DLGAP1: variants seen among roughly 807,000 people sequenced by gnomAD.
The protein encoded by DLGAP1 is disks large-associated protein 1.
A neutral mutation model predicts 90.8 loss-of-function variants in DLGAP1; 11 were observed. That is an observed-to-expected ratio of 0.12 (90% CI 0.08 to 0.20). The LOEUF (loss-of-function observed/expected upper bound fraction) is 0.20, where lower values mean the gene tolerates loss of function less well. Ranked by LOEUF, DLGAP1 falls within the 10% of genes least tolerant of loss-of-function variation. DLGAP1 has a pLI of 1.00. For synonymous variants in DLGAP1, 558 were observed against 540.7 expected (o/e 1.03, Z -0.44); for missense variants, 1,050 against 1,333.8 (o/e 0.79, Z 3.31).
chr18:3,715,235 T>C (rs1218272344), intron 7 of DLGAP1, among the ~76,000 whole-genome samples: 1 of 152,144 alleles, frequency 6.6e-6, no homozygotes, highest in Non-Finnish European at 1.5e-5. Flanking sequence ...CCTAGAGCTG[T>C]TGGAATGGGT....
intron 1 of DLGAP1, among the ~76,000 whole-genome samples, chr18:4,309,571 T>TA (rs2080347425): frequency 6.6e-6 from 1 of 152,046 alleles, no homozygotes; most frequent in African/African-American, 2.4e-5. Context: ...CAAAGAGAAA[T>TA]AAAAAATCGT....
At chr18:4,427,089 A>C (rs1055278880) in intron 1 of DLGAP1, among the ~76,000 whole-genome samples, 1 of 152,344 alleles carries the variant, frequency 6.6e-6, no homozygotes, top group African/African-American at 2.4e-5. Context: ...AAAACTAAGA[A>C]AGAAAACTTT....
chr18:4,054,971 A>G (rs1430969963), intron 2 of DLGAP1, among the ~76,000 whole-genome samples: 1 of 152,212 alleles, frequency 6.6e-6, no homozygotes, highest in Non-Finnish European at 1.5e-5. Flanking sequence ...ATCTTTATTA[A>G]GTATTTAAAC....
intron 7 of DLGAP1, among the ~76,000 whole-genome samples, chr18:3,651,938 T>C (rs2059322555): frequency 6.6e-6 from 1 of 151,410 alleles, no homozygotes. Flanking sequence ...GCCACTGCGC[T>C]CCAGCCTGGG....
intron 7 of DLGAP1, among the ~76,000 whole-genome samples, chr18:3,650,461 A>AAAAG (rs1423914993): frequency 6.6e-6 from 1 of 152,200 alleles, no homozygotes; most frequent in South Asian, 2.1e-4. Flanking sequence ...CTGTCTCTAC[A>AAAAG]AAAGAAAGAA....
chr18:4,007,346 AT>A (rs1052958825), intron 2 of DLGAP1, among the ~76,000 whole-genome samples: 1 of 151,866 alleles, frequency 6.6e-6, no homozygotes, highest in Non-Finnish European at 1.5e-5. Flanking sequence ...GTGCTGTTTT[AT>A]TACTTTCTTA....
intron 11 of DLGAP1, among the ~76,000 whole-genome samples, chr18:3,504,694 G>C (rs988510822): frequency 9.2e-5 from 14 of 152,178 alleles, no homozygotes; most frequent in Middle Eastern, 3.4e-3. Context: ...GTGTTTTCTT[G>C]AATGTATTTA....
At chr18:4,366,075 G>A (rs574185750) in intron 1 of DLGAP1, among the ~76,000 whole-genome samples, 4 of 152,118 alleles carry the variant, frequency 2.6e-5, no homozygotes, top group African/African-American at 7.2e-5. Flanking sequence ...CAAAATGACC[G>A]AGATATACTT....
rs527482324 is a variant in DLGAP1, at chr18:3,947,546, C to T, written c.-73+57570G>A. Reference sequence around the variant, plus strand: ...AGTTCTCAGTCAGACCAACTCTGTTCTAAACTAAGATACACATACGTATGT... The same window carrying T: ...AGTTCTCAGTCAGACCAACTCTGTTTTAAACTAAGATACACATACGTATGT... On this transcript the variant is annotated intron_variant, in intron 3 of 12. Coordinates refer to ENST00000315677, the MANE Select transcript of DLGAP1 (RefSeq NM_004746.4). Among the ~76,000 whole-genome samples the T allele has an allele frequency of 3.0e-4, 46 of 152,322 alleles. 1 individual carries two copies. In the South Asian group the frequency reaches 9.5e-3, roughly 32 times the overall value.
chr18:4,424,281 T>G (rs1219951471), intron 1 of DLGAP1, among the ~76,000 whole-genome samples: 1 of 152,202 alleles, frequency 6.6e-6, no homozygotes, highest in African/African-American at 2.4e-5. Flanking sequence ...GAATATTAAA[T>G]AGGGAACTAA....
At chr18:3,530,874 TAATG>T (rs909662826) in intron 10 of DLGAP1, among the ~76,000 whole-genome samples, 1 of 152,214 alleles carries the variant, frequency 6.6e-6, no homozygotes, top group African/African-American at 2.4e-5. Context: ...AGAAACCCGT[TAATG>T]AATTTCCTAA....
At chr18:3,502,242 ATT>A (rs2049978112) in intron 12 of DLGAP1, 1 of 1,355,962 alleles carries the variant, frequency 7.4e-7, no homozygotes, top group East Asian at 2.8e-5. Context: ...TTAAAGTTTA[ATT>A]AACAAAAAAA....
intron 1 of DLGAP1, among the ~76,000 whole-genome samples, chr18:4,260,237 C>T (rs964639199): frequency 6.6e-6 from 1 of 152,050 alleles, no homozygotes. Context: ...AACTCGAAAC[C>T]GGAAATGGGC....
chr18:4,165,635 T>C (rs1475395193), intron 1 of DLGAP1, among the ~76,000 whole-genome samples: 1 of 152,048 alleles, frequency 6.6e-6, no homozygotes, highest in Non-Finnish European at 1.5e-5. Flanking sequence ...CTTAAGACAA[T>C]CATATCTAAA....
At chr18:3,551,589 C>CTT (rs199603154) in intron 9 of DLGAP1, among the ~76,000 whole-genome samples, 10,638 of 124,346 alleles carry the variant, frequency 0.086, 688 homozygotes, top group East Asian at 0.2. Flanking sequence ...TCTTTTCTTT[C>CTT]TTTCTTTTTC....
rs71160911 is a variant in DLGAP1 at position 3,684,356 on chromosome 18, AT to A, written c.1591+44778del. Reference sequence around the variant, plus strand: ...AAGGATGCACCACCATGCCTGGCTAATTTTTTTTTTTTTTTTTTTTTTTAGC... The same window carrying A: ...AAGGATGCACCACCATGCCTGGCTAATTTTTTTTTTTTTTTTTTTTTTAGC... On this transcript the variant is annotated intron_variant, in intron 7 of 12. Coordinates refer to ENST00000315677, the MANE Select transcript of DLGAP1 (RefSeq NM_004746.4). 9.5e-3 allele frequency among the ~76,000 whole-genome samples: 1,038 copies of A among 109,240 alleles called. 5 individuals are homozygous for A. Among genetic ancestry groups the A allele is most frequent in the African/African-American group, 0.031 (827 of 27,108 alleles). The allele number at this position is 109,240 out of a possible 152,430, so 71.7% of individuals were successfully genotyped here. A position where few individuals can be genotyped will look rare whatever the true frequency, so the allele number is the denominator to read the frequency against.
At chr18:4,268,086 T>C (rs2079171079) in intron 1 of DLGAP1, among the ~76,000 whole-genome samples, 1 of 152,198 alleles carries the variant, frequency 6.6e-6, no homozygotes, top group South Asian at 2.1e-4. Flanking sequence ...AGATGTTTGT[T>C]CAGTTTCTGA....
intron 3 of DLGAP1, among the ~76,000 whole-genome samples, chr18:3,939,477 AC>A (rs1306291426): frequency 4.0e-5 from 6 of 150,802 alleles, no homozygotes; most frequent in African/African-American, 1.2e-4. Flanking sequence ...CAAACAAAAA[AC>A]CCCCCAAAAA....
At chr18:3,988,472 C>A (rs141110982) in intron 3 of DLGAP1, among the ~76,000 whole-genome samples, 10 of 152,280 alleles carry the variant, frequency 6.6e-5, no homozygotes, top group African/African-American at 9.6e-5. Flanking sequence ...CCAGTGATTG[C>A]ATCACTGCCT....
Sources: allele counts gnomAD v4.1 joint callset (sites outside exome capture counted in the v4.1 genomes callset), GRCh38; gene constraint gnomAD v4.1.1; transcripts MANE v1.5; gene names NCBI Gene and HGNC (gene_info 2026-07-23, HGNC 2026-07-21).